LIN28A: variants seen among roughly 807,000 people sequenced by gnomAD.
LIN28A encodes the protein protein lin-28 homolog A.
LIN28A carries 11 observed loss-of-function variants against 21.1 expected under a neutral mutation model. The observed-to-expected ratio is 0.52, with a 90% CI of 0.33 to 0.86. The LOEUF (loss-of-function observed/expected upper bound fraction) is 0.86, where lower values mean the gene tolerates loss of function less well. LIN28A is among the 40% of genes least tolerant of loss of function. The probability of loss-of-function intolerance (pLI) is 0.03; values close to 1 mark genes in which losing one functional copy is unlikely to be tolerated. For synonymous variants in LIN28A, 111 were observed against 108.7 expected, an observed-to-expected ratio of 1.02 and a Z score of -0.13; for missense variants, 219 against 279.8, an observed-to-expected ratio of 0.78 and a Z score of 1.55.
At chr1:26,415,676 G>A (rs1557761093) in intron 2 of LIN28A, among the ~76,000 whole-genome samples, 2 of 151,406 alleles carry the variant, frequency 1.3e-5, no homozygotes, top group East Asian at 1.9e-4. Context: ...GTAGCTGCTC[G>A]CTTTCTGGGC....
At chr1:26,422,730 T>G (rs1395224050) in intron 2 of LIN28A, among the ~76,000 whole-genome samples, 1 of 152,226 alleles carries the variant, frequency 6.6e-6, no homozygotes, top group Non-Finnish European at 1.5e-5. Flanking sequence ...TTTTTCCCTT[T>G]GTAGTTGCTA....
At chr1:26,419,507 G>A (rs1448191444) in intron 2 of LIN28A, among the ~76,000 whole-genome samples, 1 of 152,160 alleles carries the variant, frequency 6.6e-6, no homozygotes, top group African/African-American at 2.4e-5. Flanking sequence ...GGCTTAGAGA[G>A]GGGATATTCT....
In LIN28A at chr1:26,411,654, C is replaced by T; in HGVS notation, c.228+72C>T. On this transcript the variant is annotated intron_variant, in intron 2 of 3. Coordinates refer to ENST00000326279, the MANE Select transcript of LIN28A (RefSeq NM_024674.6). This position sits in a 1 kb window ranked among gnomAD's most constrained non-coding sequence, Gnocchi z 5.4. ...CCCATATCCACGGGTGGGCTCCGGG[C>T]TCGCAGTTGAATTGAGGGCCATCGG... 2.0e-6 allele frequency: 3 copies of T among 1,503,634 alleles called. No homozygotes were observed. The highest frequency in any genetic ancestry group is 2.7e-6 in the Non-Finnish European group (3 of 1,101,024). 93.1% of individuals were successfully genotyped at this position (1,503,634 alleles called of 1,614,324 possible).
intron 2 of LIN28A, among the ~76,000 whole-genome samples, chr1:26,420,641 G>C (rs2075023730): frequency 6.6e-6 from 1 of 151,456 alleles, no homozygotes; most frequent in African/African-American, 2.4e-5. Context: ...GGAATCTGTG[G>C]TTCCTTCATC....
At chr1:26,413,518 T>C (rs2074974139) in intron 2 of LIN28A, among the ~76,000 whole-genome samples, 1 of 152,168 alleles carries the variant, frequency 6.6e-6, no homozygotes, top group Non-Finnish European at 1.5e-5. Flanking sequence ...ATGTGCTGGC[T>C]TGGAAATACT....
chr1:26,415,953 T>C (rs887564494), intron 2 of LIN28A, among the ~76,000 whole-genome samples: 1 of 152,342 alleles, frequency 6.6e-6, no homozygotes, highest in African/African-American at 2.4e-5. Flanking sequence ...TGGGGTCCTC[T>C]TCTTTCTGAG....
rs954186133 is a variant in LIN28A, at chr1:26,411,951, G to C, written c.228+369G>C. 6.6e-6 allele frequency among the ~76,000 whole-genome samples: 1 copy of C among 152,236 alleles called. No individual in the cohort carries two copies. Among genetic ancestry groups the C allele is most frequent in the Non-Finnish European group, 1.5e-5 (1 of 68,038 alleles). ...GGCCGGCCAGGGAAGCACATGCCGG[G>C]CCTAAGCCGGGAGCCCAGCTCCTCC... On this transcript the variant is annotated intron_variant, in intron 2 of 3. Coordinates refer to ENST00000326279, the MANE Select transcript of LIN28A (RefSeq NM_024674.6). The surrounding 1 kb of genome is among the most constrained non-coding windows in gnomAD (Gnocchi z 5.4).
Position 26,411,533 on chromosome 1 carries a change from C to T in LIN28A, c.179C>T (p.Ala60Val). The change falls in exon 2 of 4, where the codon GCC becomes GTC. Residue 60 changes from alanine (A) to valine (V), a missense_variant. Transcript: ENST00000326279. The surrounding 1 kb of genome is among the most constrained non-coding windows in gnomAD (Gnocchi z 5.4). ...RMGFGFLSMTARAGVALDPPV... is the reference protein window; with the variant it reads ...RMGFGFLSMTVRAGVALDPPV... ...GGGTTCGGCTTCCTGTCCATGACCG[C>T]CCGCGCCGGGGTCGCGCTCGACCCC... The T allele has an allele frequency of 1.9e-6, 3 of 1,613,938 alleles. No individual in the cohort carries two copies. The highest frequency in any genetic ancestry group is 2.5e-6 in the Non-Finnish European group (3 of 1,179,920).
chr1:26,418,669 C>T (rs186111574), intron 2 of LIN28A, among the ~76,000 whole-genome samples: 1 of 152,258 alleles, frequency 6.6e-6, no homozygotes, highest in East Asian at 1.9e-4. Flanking sequence ...ATGGGTCATG[C>T]CTTCTCTCCC....
chr1:26,427,735 T>C lies in LIN28A; in HGVS notation c.*1277T>C, dbSNP rs557670682. On this transcript the variant is annotated 3_prime_UTR_variant, in exon 4 of 4. Coordinates refer to ENST00000326279, the MANE Select transcript of LIN28A (RefSeq NM_024674.6). ...TGCTAAGGATAAGTTTAAAGACCAATACCCCTGTACTTAATCCTGTGCTGT... is the reference window on the plus strand; with the variant it reads ...TGCTAAGGATAAGTTTAAAGACCAACACCCCTGTACTTAATCCTGTGCTGT... 4 of 152,336 alleles carry C rather than the reference T, an allele frequency of 2.6e-5. No homozygotes were observed. In the South Asian group the frequency reaches 8.3e-4, roughly 32 times the overall value. 9.4% of individuals were successfully genotyped at this position (152,336 alleles called of 1,614,324 possible). A position where few individuals can be genotyped will look rare whatever the true frequency, so the allele number is the denominator to read the frequency against.
rs1364206434 is a variant in LIN28A at position 26,410,870 on chromosome 1, G to A, written c.-22G>A. 6.2e-7 allele frequency: 1 copy of A among 1,612,286 alleles called. No homozygotes were observed. The highest frequency in any genetic ancestry group is 8.5e-7 in the Non-Finnish European group (1 of 1,179,392). The stretch of plus-strand genomic sequence containing the variant: ...GCAGCCGCCCGACCAGGGGCCCGGG[G>A]CCACGGGCTCAGCCGACGACCATGG... On this transcript the variant is annotated 5_prime_UTR_variant, in exon 1 of 4. Coordinates refer to ENST00000326279, the MANE Select transcript of LIN28A (RefSeq NM_024674.6).
chr1:26,421,950 A>G (rs1056182404), intron 2 of LIN28A, among the ~76,000 whole-genome samples: 1 of 151,992 alleles, frequency 6.6e-6, no homozygotes, highest in South Asian at 2.1e-4. Flanking sequence ...AGTTGGAGAC[A>G]GTAAGCACTT....
Position 26,411,031 on chromosome 1 carries a change from CG to C in LIN28A, c.31+111del, listed in dbSNP as rs1199472574. The stretch of plus-strand genomic sequence containing the variant: ...CTAGGCTGCCCAAAGGACCCCAAGA[CG>C]GTGCGGCCTTCTGCTTCATAGGGCC... On this transcript the variant is annotated intron_variant, in intron 1 of 3. Transcript: ENST00000326279. This position sits in a 1 kb window ranked among gnomAD's most constrained non-coding sequence, Gnocchi z 5.4. 9 of 1,393,780 alleles carry C rather than the reference CG, an allele frequency of 6.5e-6. No homozygotes were observed. In the African/African-American group the frequency reaches 1.3e-4, roughly 20 times the overall value. 86.3% of individuals were successfully genotyped at this position (1,393,780 alleles called of 1,614,324 possible).
intron 2 of LIN28A, among the ~76,000 whole-genome samples, chr1:26,416,270 G>A (rs1460225959): frequency 1.3e-5 from 2 of 152,190 alleles, no homozygotes; most frequent in African/African-American, 4.8e-5. Flanking sequence ...TGGGATTACA[G>A]GCATGAGCCA....
intron 2 of LIN28A, among the ~76,000 whole-genome samples, chr1:26,419,368 C>T (rs1011155233): frequency 6.6e-6 from 1 of 152,140 alleles, no homozygotes; most frequent in African/African-American, 2.4e-5. Context: ...ACCTCAGATC[C>T]TCCAGTGATG....
At position 26,426,491 on chromosome 1, in the gene LIN28A, C is replaced by G; in HGVS notation, c.*33C>G. On this transcript the variant is annotated 3_prime_UTR_variant, in exon 4 of 4. Transcript: ENST00000326279. ...TGGGTGGGGGCTATTCTTTTGCTAT[C>G]AGGAAGTTTTGAGGAGCAGGCAGAG... 1 of 1,581,408 alleles carries G rather than the reference C, an allele frequency of 6.3e-7. No individual in the cohort carries two copies. The highest frequency in any genetic ancestry group is 8.7e-7 in the Non-Finnish European group (1 of 1,151,474).
intron 2 of LIN28A, among the ~76,000 whole-genome samples, chr1:26,419,459 G>A (rs1168777276): frequency 3.3e-5 from 5 of 152,098 alleles, no homozygotes; most frequent in African/African-American, 1.2e-4. Flanking sequence ...AACCTATGAG[G>A]TGTCCATAGA....
chr1:26,426,707 C>A lies in LIN28A; in HGVS notation c.*249C>A, dbSNP rs2075061859. Reference sequence around the variant, plus strand: ...CCAGGAGGGGGGAATCACCCTACAACCTGCATACTTTGAGTCTCCATCCCC... The same window carrying A: ...CCAGGAGGGGGGAATCACCCTACAAACTGCATACTTTGAGTCTCCATCCCC... On this transcript the variant is annotated 3_prime_UTR_variant, in exon 4 of 4. Transcript: ENST00000326279. 4.3e-6 allele frequency: 2 copies of A among 465,216 alleles called. No homozygotes were observed. Among genetic ancestry groups the A allele is most frequent in the South Asian group, 2.4e-5 (1 of 41,766 alleles). The allele number at this position is 465,216 out of a possible 1,614,324, so 28.8% of individuals were successfully genotyped here.
intron 2 of LIN28A, among the ~76,000 whole-genome samples, chr1:26,419,931 C>T (rs896874037): frequency 2.0e-5 from 3 of 152,066 alleles, no homozygotes; most frequent in East Asian, 3.9e-4. Context: ...TGTCCCACCC[C>T]GCTCAATAAA....
Sources: gnomAD v4.1 joint callset for allele counts (sites outside exome capture counted in the v4.1 genomes callset) on GRCh38, gnomAD v4.1.1 for gene constraint, Gnocchi (gnomAD v3.1) non-coding constraint, MANE v1.5 for transcripts, NCBI Gene and HGNC (gene_info 2026-07-23, HGNC 2026-07-21) for gene names.